Variants in ARMC9 observed in about 807,000 individuals in gnomAD.
ARMC9 encodes the protein armadillo repeat containing 9.
ARMC9 carries 94 observed loss-of-function variants against 107.0 expected under a neutral mutation model. The ratio of observed to expected loss-of-function variants is 0.88; its 90% CI spans 0.74 to 1.04. ARMC9 has a LOEUF of 1.04. Among genes scored for constraint, ARMC9 ranks in the 50% least tolerant of loss-of-function variants. ARMC9 has a pLI of 0.00. For missense variants in ARMC9, 942 were observed against 1,030.1 expected, an observed-to-expected ratio of 0.91 and a Z score of 1.17; for synonymous variants, 380 against 396.9, an observed-to-expected ratio of 0.96 and a Z score of 0.51.
At chr2:231,229,238 C>A (rs1273388028) in intron 7 of ARMC9, among the ~76,000 whole-genome samples, 1 of 152,140 alleles carries the variant, frequency 6.6e-6, no homozygotes, top group Non-Finnish European at 1.5e-5. Context: ...CCCCTTGTCC[C>A]CTCATCCTGC....
chr2:231,304,770 T>G (rs1176021558), intron 19 of ARMC9, among the ~76,000 whole-genome samples: 1 of 152,180 alleles, frequency 6.6e-6, no homozygotes, highest in Non-Finnish European at 1.5e-5. Context: ...CAGAAAAGCC[T>G]TTAGGTATTG....
At chr2:231,312,916 C>T (rs1239261418) in intron 19 of ARMC9, among the ~76,000 whole-genome samples, 2 of 152,068 alleles carry the variant, frequency 1.3e-5, no homozygotes, top group Admixed American at 6.6e-5. Flanking sequence ...CTAGTTCTCC[C>T]GAGTGGATCA....
chr2:231,204,459 C>A (rs564024066), intron 1 of ARMC9, among the ~76,000 whole-genome samples: 1 of 152,278 alleles, frequency 6.6e-6, no homozygotes, highest in East Asian at 1.9e-4. Context: ...GTCACATTCC[C>A]AGTGAGGCCA....
chr2:231,330,767 A>C (rs1323351953), intron 19 of ARMC9, among the ~76,000 whole-genome samples: 1 of 152,076 alleles, frequency 6.6e-6, no homozygotes. Flanking sequence ...CTGTCATGCC[A>C]GCCTTCCCCT....
At chr2:231,306,894 T>C (rs2042064808) in intron 19 of ARMC9, among the ~76,000 whole-genome samples, 1 of 152,170 alleles carries the variant, frequency 6.6e-6, no homozygotes, top group Admixed American at 6.5e-5. Context: ...AGTTTTATAA[T>C]CTTATTCTTC....
At chr2:231,328,332 C>G (rs2043472066) in intron 19 of ARMC9, among the ~76,000 whole-genome samples, 1 of 152,138 alleles carries the variant, frequency 6.6e-6, no homozygotes. Context: ...TTTCCAAATA[C>G]TTTCTCCCTG....
intron 13 of ARMC9, among the ~76,000 whole-genome samples, chr2:231,271,612 T>A (rs895683533): frequency 1.3e-5 from 2 of 152,244 alleles, no homozygotes; most frequent in African/African-American, 4.8e-5. Context: ...GAGCTCTTTA[T>A]AATGTGAATA....
intron 23 of ARMC9, among the ~76,000 whole-genome samples, chr2:231,364,117 G>A (rs1307534299): frequency 6.6e-6 from 1 of 152,264 alleles, no homozygotes; most frequent in Non-Finnish European, 1.5e-5. Flanking sequence ...CCAGACCACA[G>A]AGGCTGAGTT....
Position 231,241,801 on chromosome 2 carries a change from C to CA in ARMC9, c.879+1766dup, listed in dbSNP as rs940714280. On this transcript the variant is annotated intron_variant, in intron 9 of 24. Transcript: ENST00000611582. The stretch of plus-strand genomic sequence containing the variant: ...AAGTCAGCAAGGGCTAAGGCTGGTA[C>CA]AAAAAATGCATATGCTGTGAGCTGC... Among the ~76,000 whole-genome samples the CA allele has an allele frequency of 2.0e-3, 300 of 152,016 alleles. 1 individual carries two copies. Among genetic ancestry groups the CA allele is most frequent in the African/African-American group, 6.8e-3 (280 of 41,464 alleles).
At chr2:231,233,341 A>T (rs1269403507) in intron 7 of ARMC9, among the ~76,000 whole-genome samples, 1 of 152,208 alleles carries the variant, frequency 6.6e-6, no homozygotes, top group African/African-American at 2.4e-5. Context: ...GACTATATAG[A>T]CATTCAGACC....
intron 5 of ARMC9, among the ~76,000 whole-genome samples, chr2:231,218,854 C>T (rs1369987920): frequency 6.6e-6 from 1 of 151,838 alleles, no homozygotes; most frequent in Non-Finnish European, 1.5e-5. Context: ...CGGGTTCAAG[C>T]GATTCTCCTG....
chr2:231,344,227 G>A (rs2044684099), intron 20 of ARMC9, among the ~76,000 whole-genome samples: 2 of 152,186 alleles, frequency 1.3e-5, no homozygotes, highest in Non-Finnish European at 2.9e-5. Flanking sequence ...TGTTTTCCAA[G>A]ACTTGTCTCA....
At chr2:231,341,778 A>G (rs2044531124) in intron 20 of ARMC9, among the ~76,000 whole-genome samples, 2 of 152,244 alleles carry the variant, frequency 1.3e-5, no homozygotes, top group Admixed American at 6.5e-5. Flanking sequence ...TTTTTTACCT[A>G]AATTGACATG....
At chr2:231,226,716 G>C (rs977241368) in intron 6 of ARMC9, 58 bp from the exon 7 acceptor site, 1 of 1,583,116 alleles carries the variant, frequency 6.3e-7, no homozygotes, top group Non-Finnish European at 8.7e-7. Context: ...CAGGATGTCC[G>C]ATACCCCAAG....
intron 1 of ARMC9, among the ~76,000 whole-genome samples, chr2:231,205,456 G>T (rs2031829959): frequency 6.6e-6 from 1 of 152,196 alleles, no homozygotes; most frequent in African/African-American, 2.4e-5. Context: ...CTCAGATCAG[G>T]TGCCAGTGAA....
At chr2:231,261,285 C>T (rs2038316090) in intron 11 of ARMC9, among the ~76,000 whole-genome samples, 1 of 152,236 alleles carries the variant, frequency 6.6e-6, no homozygotes, top group African/African-American at 2.4e-5. Context: ...ACCCGTTATA[C>T]ATGCTCTCCA....
intron 23 of ARMC9, 46 bp from the exon 24 acceptor site, chr2:231,369,907 C>T: frequency 7.0e-7 from 1 of 1,429,732 alleles, no homozygotes; most frequent in Middle Eastern, 1.8e-4. Context: ...CCTGTGGTTT[C>T]TAATGCTGTA....
At chr2:231,237,172 A>ATACGTGTGTG (rs1553601747) in intron 8 of ARMC9, among the ~76,000 whole-genome samples, 3 of 87,850 alleles carry the variant, frequency 3.4e-5, no homozygotes, top group African/African-American at 5.5e-5. Context: ...TTCTCTGCGT[A>ATACGTGTGTG]TGCGTGTGTG....
chr2:231,221,811 A>T (rs1048177500), intron 5 of ARMC9, among the ~76,000 whole-genome samples: 3 of 147,436 alleles, frequency 2.0e-5, no homozygotes, highest in African/African-American at 7.7e-5. Context: ...AGCCTGGGTG[A>T]CAAAGCAAGA....
Sources: gnomAD v4.1 joint callset for allele counts (sites outside exome capture counted in the v4.1 genomes callset) on GRCh38, gnomAD v4.1.1 for gene constraint, MANE v1.5 for transcripts, NCBI Gene and HGNC (gene_info 2026-07-23, HGNC 2026-07-21) for gene names.